CCDC91: variants seen among roughly 807,000 people sequenced by gnomAD.
The protein encoded by CCDC91 is coiled-coil domain-containing protein 91.
In CCDC91, 48 loss-of-function variants were observed where a neutral mutation model predicts 63.2. That is an observed-to-expected ratio of 0.76 (90% confidence interval 0.60 to 0.97). CCDC91 has a LOEUF of 0.97. CCDC91 is among the 50% of genes least tolerant of loss of function. The pLI, the probability that CCDC91 is intolerant of heterozygous loss-of-function variation, is 0.00. For synonymous variants in CCDC91, 167 were observed against 165.8 expected, an observed-to-expected ratio of 1.01 and a Z score of -0.06; for missense variants, 500 against 494.6, an observed-to-expected ratio of 1.01 and a Z score of -0.10.
chr12:28,506,942 T>C (rs1938801430), intron 12 of CCDC91, among the ~76,000 whole-genome samples: 1 of 151,760 alleles, frequency 6.6e-6, no homozygotes, highest in East Asian at 2.0e-4. Flanking sequence ...ACATAAAACG[T>C]AGACATTCTT....
At chr12:28,545,484 C>G (rs1942926462) in intron 12 of CCDC91, among the ~76,000 whole-genome samples, 1 of 152,180 alleles carries the variant, frequency 6.6e-6, no homozygotes, top group Admixed American at 6.6e-5. Flanking sequence ...CCAAGAAGGA[C>G]CCACAAAAGT....
chr12:28,289,649 A>G (rs1339793375), intron 3 of CCDC91, among the ~76,000 whole-genome samples: 1 of 128,360 alleles, frequency 7.8e-6, no homozygotes, highest in East Asian at 2.6e-4. Context: ...AAGAATGTGT[A>G]TTCTGCTGTT....
chr12:28,304,375 TAAAAAAAAAAAAAAAA>T (rs777296414), intron 3 of CCDC91, among the ~76,000 whole-genome samples: 4 of 73,596 alleles, frequency 5.4e-5, no homozygotes, highest in Non-Finnish European at 7.5e-5. Context: ...AGACTCCGTC[TAAAAAAAAAAAAAAAA>T]AAAAAAAAAA....
At chr12:28,521,547 A>G (rs1442963499) in intron 12 of CCDC91, among the ~76,000 whole-genome samples, 1 of 152,078 alleles carries the variant, frequency 6.6e-6, no homozygotes, top group Admixed American at 6.6e-5. Flanking sequence ...CTGTTTTCCT[A>G]ACTGAATACC....
intron 6 of CCDC91, among the ~76,000 whole-genome samples, chr12:28,323,904 A>G (rs1225996734): frequency 6.6e-6 from 1 of 151,868 alleles, no homozygotes; most frequent in Non-Finnish European, 1.5e-5. Context: ...TCAGCATAGG[A>G]TGTGAGGGGA....
At chr12:28,532,338 A>C (rs1178259669) in intron 12 of CCDC91, among the ~76,000 whole-genome samples, 1 of 152,136 alleles carries the variant, frequency 6.6e-6, no homozygotes, top group Non-Finnish European at 1.5e-5. Context: ...TCATTAATTC[A>C]TGTAGTATCT....
chr12:28,276,162 T>A (rs940280111), intron 3 of CCDC91, among the ~76,000 whole-genome samples: 5 of 152,096 alleles, frequency 3.3e-5, no homozygotes, highest in African/African-American at 1.2e-4. Context: ...TGATTATTTT[T>A]AAAGACATTT....
At chr12:28,516,173 G>A (rs1185010383) in intron 12 of CCDC91, among the ~76,000 whole-genome samples, 7 of 151,900 alleles carry the variant, frequency 4.6e-5, no homozygotes, top group African/African-American at 1.7e-4. Context: ...TTCTTGAAGA[G>A]TGAGGCAGAC....
chr12:28,428,595 A>AAAAAG (rs1948462218), intron 8 of CCDC91, among the ~76,000 whole-genome samples: 1 of 150,832 alleles, frequency 6.6e-6, no homozygotes, highest in African/African-American at 2.4e-5. Flanking sequence ...AAAAAAAAAA[A>AAAAAG]AAAGAAAGAA....
At chr12:28,260,443 T>C (rs1946749293) in intron 3 of CCDC91, among the ~76,000 whole-genome samples, 2 of 152,030 alleles carry the variant, frequency 1.3e-5, no homozygotes, top group South Asian at 4.1e-4. Flanking sequence ...GTTAGGATGC[T>C]CATTTTTATT....
At chr12:28,276,914 T>C (rs1318195345) in intron 3 of CCDC91, among the ~76,000 whole-genome samples, 1 of 151,918 alleles carries the variant, frequency 6.6e-6, no homozygotes, top group Admixed American at 6.6e-5. Flanking sequence ...TTTAGAGAAA[T>C]TTCAGCTGTT....
intron 6 of CCDC91, among the ~76,000 whole-genome samples, chr12:28,335,036 ATATT>A (rs1446853985): frequency 6.8e-6 from 1 of 146,580 alleles, no homozygotes; most frequent in Non-Finnish European, 1.5e-5. Context: ...AATATATAAA[ATATT>A]TAATATATAA....
chr12:28,462,300 G>A (rs7314502), intron 11 of CCDC91, among the ~76,000 whole-genome samples: 113,343 of 152,008 alleles, frequency 0.75, 42,850 homozygotes, highest in African/African-American at 0.82. Context: ...TGCCTAATAT[G>A]TACAAAATTC....
At chr12:28,280,812 C>CT (rs1338692920) in intron 3 of CCDC91, among the ~76,000 whole-genome samples, 1 of 112,822 alleles carries the variant, frequency 8.9e-6, no homozygotes, top group African/African-American at 3.1e-5. Context: ...GACCGCGTTT[C>CT]TTTAAAAAAA....
chr12:28,466,135 G>T (rs1304700721), intron 11 of CCDC91, among the ~76,000 whole-genome samples: 1 of 152,020 alleles, frequency 6.6e-6, no homozygotes, highest in Admixed American at 6.6e-5. Context: ...ACAGAAGAAA[G>T]AATTACTGAG....
intron 12 of CCDC91, among the ~76,000 whole-genome samples, chr12:28,501,107 G>A (rs1937779728): frequency 6.6e-6 from 1 of 151,700 alleles, no homozygotes; most frequent in Non-Finnish European, 1.5e-5. Flanking sequence ...TATACAAATG[G>A]TGATGTAGCA....
At chr12:28,262,755 TG>T (rs1946907705) in intron 3 of CCDC91, among the ~76,000 whole-genome samples, 1 of 152,048 alleles carries the variant, frequency 6.6e-6, no homozygotes, top group African/African-American at 2.4e-5. Context: ...ACCTGTAAAA[TG>T]TGTCTTTACA....
At chr12:28,306,340 A>C (rs1251039246) in intron 4 of CCDC91, among the ~76,000 whole-genome samples, 1 of 152,086 alleles carries the variant, frequency 6.6e-6, no homozygotes, top group African/African-American at 2.4e-5. Flanking sequence ...AGTGGTGATC[A>C]ATAGAGGTCA....
chr12:28,433,046 AT>A (rs200603423), intron 8 of CCDC91, among the ~76,000 whole-genome samples: 14 of 150,406 alleles, frequency 9.3e-5, no homozygotes, highest in Non-Finnish European at 1.9e-4. Context: ...TCTTTTACCC[AT>A]TTTTTTTTAA....
Sources: gnomAD v4.1 joint callset for allele counts (sites outside exome capture counted in the v4.1 genomes callset) on GRCh38, gnomAD v4.1.1 for gene constraint, MANE v1.5 for transcripts, NCBI Gene and HGNC (gene_info 2026-07-23, HGNC 2026-07-21) for gene names.